The following CHIC1 variants were observed in gnomAD, a reference collection of about 807,000 sequenced individuals.
CHIC1 encodes cysteine-rich hydrophobic domain-containing protein 1.
In CHIC1, 7 loss-of-function variants were observed where a neutral mutation model predicts 18.5. The ratio of observed to expected loss-of-function variants is 0.38; its 90% confidence interval spans 0.22 to 0.71. The LOEUF is 0.71. Among genes scored for constraint, CHIC1 ranks in the 30% least tolerant of loss-of-function variants. CHIC1 has a pLI of 0.49. For missense variants in CHIC1, 159 were observed against 176.9 expected (o/e 0.90, Z 0.57); for synonymous variants, 77 against 73.5 (o/e 1.05, Z -0.25).
intron 2 of CHIC1, among the ~76,000 whole-genome samples, chrX:73,581,791 TA>T (rs890539517): frequency 2.7e-5 from 3 of 111,228 alleles, no homozygotes; most frequent in Non-Finnish European, 5.7e-5. Context: ...CATTATATGT[TA>T]AAAAGAAGAA....
At chrX:73,664,155 G>A (rs1406012429) in intron 3 of CHIC1, among the ~76,000 whole-genome samples, 1 of 111,635 alleles carries the variant, frequency 9.0e-6, no homozygotes, top group African/African-American at 3.3e-5. Context: ...CAGGGCCTGG[G>A]ACCAGTCCCT....
rs192074917 is a variant in CHIC1 at position 73,639,046 on chromosome X, A to G, written c.508-40280A>G. 2.4e-3 allele frequency among the ~76,000 whole-genome samples: 270 copies of G among 111,846 alleles called. 2 individuals carry two copies. The highest frequency in any genetic ancestry group is 8.6e-3 in the African/African-American group (266 of 30,813). On this transcript the variant is annotated intron_variant, in intron 3 of 5. Coordinates refer to ENST00000373502, the MANE Select transcript of CHIC1 (RefSeq NM_001039840.4). ...TATTCCTTTGGGTATATACCCAGTCATGGGATTGCTGGGACAAACAATGAT... is the reference window on the plus strand; with the variant it reads ...TATTCCTTTGGGTATATACCCAGTCGTGGGATTGCTGGGACAAACAATGAT...
intron 3 of CHIC1, among the ~76,000 whole-genome samples, chrX:73,674,403 AT>A (rs913912511): frequency 8.9e-6 from 1 of 111,844 alleles, no homozygotes; most frequent in Non-Finnish European, 1.9e-5. Context: ...TATTGCCTCA[AT>A]GTCAGATCCT....
At chrX:73,658,281 G>A (rs867768820) in intron 3 of CHIC1, among the ~76,000 whole-genome samples, 1 of 13,296 alleles carries the variant, frequency 7.5e-5, no homozygotes, top group Non-Finnish European at 1.5e-4. Flanking sequence ...TTTTTTTTTG[G>A]TTGGTAGGCT....
intron 3 of CHIC1, among the ~76,000 whole-genome samples, chrX:73,664,517 G>T (rs758755615): frequency 9.0e-6 from 1 of 111,059 alleles, no homozygotes; most frequent in South Asian, 3.9e-4. Context: ...GTTGATGTTA[G>T]CATTTTCATA....
At chrX:73,631,476 A>G (rs2057806612) in intron 3 of CHIC1, among the ~76,000 whole-genome samples, 2 of 109,926 alleles carry the variant, frequency 1.8e-5, no homozygotes, top group African/African-American at 6.7e-5. Flanking sequence ...AAAATACAAA[A>G]AAAAAAATTA....
chrX:73,564,010 A>T (rs1048958400), intron 1 of CHIC1, among the ~76,000 whole-genome samples: 2 of 112,318 alleles, frequency 1.8e-5, no homozygotes, highest in East Asian at 2.8e-4. Context: ...AAACAGAAAC[A>T]TGATATATTT....
intron 3 of CHIC1, among the ~76,000 whole-genome samples, chrX:73,652,869 T>TGACC: frequency 8.9e-6 from 1 of 111,795 alleles, no homozygotes; most frequent in Non-Finnish European, 1.9e-5. Flanking sequence ...CCCAGCAATT[T>TGACC]CATTACTGGA....
chrX:73,618,001 TCCTA>T (rs2057740781), intron 3 of CHIC1, among the ~76,000 whole-genome samples: 2 of 111,623 alleles, frequency 1.8e-5, no homozygotes, highest in Non-Finnish European at 3.8e-5. Context: ...CTCCCCCTTT[TCCTA>T]GGTATGTGGC....
intron 1 of CHIC1, among the ~76,000 whole-genome samples, chrX:73,565,238 A>T (rs758278603): frequency 1.8e-5 from 2 of 111,914 alleles, no homozygotes; most frequent in Non-Finnish European, 3.8e-5. Flanking sequence ...ATTATGTTAC[A>T]TGACCGTTTA....
chrX:73,654,866 G>A (rs1264133530), intron 3 of CHIC1, among the ~76,000 whole-genome samples: 1 of 111,393 alleles, frequency 9.0e-6, no homozygotes, highest in African/African-American at 3.3e-5. Flanking sequence ...CCCTTATAAT[G>A]TCTCCTTTTT....
At chrX:73,569,692 C>T in intron 1 of CHIC1, among the ~76,000 whole-genome samples, 1 of 111,248 alleles carries the variant, frequency 9.0e-6, no homozygotes, top group South Asian at 3.8e-4. Context: ...CAACATTTTC[C>T]TAGTAGCTGC....
intron 3 of CHIC1, among the ~76,000 whole-genome samples, chrX:73,673,695 CAG>C (rs1233367413): frequency 1.8e-5 from 2 of 112,017 alleles, no homozygotes; most frequent in Non-Finnish European, 3.8e-5. Flanking sequence ...CATCTGCAAA[CAG>C]GGACAATTTG....
At chrX:73,605,609 A>T (rs909455305) in intron 3 of CHIC1, among the ~76,000 whole-genome samples, 4 of 108,327 alleles carry the variant, frequency 3.7e-5, no homozygotes, top group African/African-American at 1.4e-4. Flanking sequence ...AAAATTTGAT[A>T]TGTTTTTGCA....
intron 3 of CHIC1, among the ~76,000 whole-genome samples, chrX:73,631,084 A>C (rs781700628): frequency 9.0e-6 from 1 of 111,286 alleles, no homozygotes; most frequent in South Asian, 3.8e-4. Context: ...CTCTGTTATC[A>C]GTTGTAATGG....
chrX:73,618,696 C>T (rs764291854), intron 3 of CHIC1, among the ~76,000 whole-genome samples: 1 of 112,236 alleles, frequency 8.9e-6, no homozygotes, highest in African/African-American at 3.2e-5. Flanking sequence ...CCCAGGCTAC[C>T]AGCCTCCTGG....
At chrX:73,631,649 A>G (rs1484094038) in intron 3 of CHIC1, among the ~76,000 whole-genome samples, 1 of 111,136 alleles carries the variant, frequency 9.0e-6, no homozygotes, top group Non-Finnish European at 1.9e-5. Context: ...AAGTTATTTG[A>G]TATCTTTTTT....
At chrX:73,604,743 T>A (rs2057670777) in intron 3 of CHIC1, among the ~76,000 whole-genome samples, 1 of 109,283 alleles carries the variant, frequency 9.2e-6, no homozygotes, top group Non-Finnish European at 1.9e-5. Flanking sequence ...TATGTATTTC[T>A]GCTTTAATTT....
rs767744058 is a variant in CHIC1 at position 73,566,248 on chromosome X, C to A, written c.296+2668C>A. ...GACTTATTGCCACAGTCTGCTGCCT[C>A]TCCCTACTCCAGTCCATCCTGTGTG... On this transcript the variant is annotated intron_variant, in intron 1 of 5. Transcript: ENST00000373502. Among the ~76,000 whole-genome samples the A allele has an allele frequency of 3.6e-5, 4 of 109,986 alleles. No homozygotes were observed. In the South Asian group the frequency reaches 1.2e-3, roughly 32 times the overall value.
Sources: allele counts gnomAD v4.1 joint callset (sites outside exome capture counted in the v4.1 genomes callset), GRCh38; gene constraint gnomAD v4.1.1; transcripts MANE v1.5; gene names NCBI Gene and HGNC (gene_info 2026-07-23, HGNC 2026-07-21).